EPS15: variants seen among roughly 807,000 people sequenced by gnomAD.
The protein encoded by EPS15 is epidermal growth factor receptor pathway substrate 15.
In EPS15, 72 loss-of-function variants were observed where a neutral mutation model predicts 113.8. That is an observed-to-expected ratio of 0.63 (90% CI 0.52 to 0.77). The LOEUF is 0.77. Ranked by LOEUF, EPS15 falls within the 30% of genes least tolerant of loss-of-function variation. The pLI, the probability that EPS15 is intolerant of heterozygous loss-of-function variation, is 0.00. For missense variants in EPS15, 1,048 were observed against 1,045.8 expected (o/e 1.00, Z -0.03); for synonymous variants, 344 against 363.4 (o/e 0.95, Z 0.61).
intron 14 of EPS15, among the ~76,000 whole-genome samples, chr1:51,409,188 T>C (rs143637015): frequency 0.022 from 3,341 of 152,202 alleles, 32 homozygotes; most frequent in Middle Eastern, 0.034. Context: ...TCCCAAAGTG[T>C]TGGGATTACA....
intron 13 of EPS15, among the ~76,000 whole-genome samples, chr1:51,418,319 T>C (rs1465609231): frequency 1.3e-5 from 2 of 152,026 alleles, no homozygotes; most frequent in African/African-American, 4.8e-5. Context: ...GCAAAGTCAA[T>C]GGAAGCAAAG....
At chr1:51,401,062 A>G in intron 18 of EPS15, 109 bp from the exon 19 acceptor site, 1 of 636,444 alleles carries the variant, frequency 1.6e-6, no homozygotes, top group South Asian at 2.3e-5. Flanking sequence ...TATTTCAATA[A>G]CTTCACTTCA....
intron 21 of EPS15, among the ~76,000 whole-genome samples, chr1:51,378,911 G>T (rs191107393): frequency 3.3e-5 from 5 of 152,258 alleles, no homozygotes; most frequent in Admixed American, 2.0e-4. Context: ...AAGAGGCAGA[G>T]AGCTTATTTG....
intron 21 of EPS15, among the ~76,000 whole-genome samples, chr1:51,392,743 A>G (rs1647509473): frequency 1.3e-5 from 2 of 152,196 alleles, no homozygotes; most frequent in African/African-American, 4.8e-5. Context: ...CAAAAGCCAC[A>G]TTCCACTTTG....
chr1:51,387,899 T>G (rs1320409319), intron 21 of EPS15, among the ~76,000 whole-genome samples: 2 of 152,170 alleles, frequency 1.3e-5, no homozygotes, highest in South Asian at 2.1e-4. Context: ...CTGTTAACAT[T>G]AGACAGATCA....
chr1:51,423,135 A>G, intron 12 of EPS15: 1 of 1,138,142 alleles, frequency 8.8e-7, no homozygotes, highest in Non-Finnish European at 1.2e-6. Context: ...TGTCTATGGA[A>G]GAAAGCATAC....
chr1:51,447,930 T>C (rs1413146617), intron 9 of EPS15, 116 bp downstream of exon 9: 20 of 1,449,124 alleles, frequency 1.4e-5, no homozygotes, highest in Non-Finnish European at 1.6e-5. Context: ...CTGATAAATC[T>C]ATACCTGTCT....
At chr1:51,419,510 C>T (rs1046711965) in intron 13 of EPS15, among the ~76,000 whole-genome samples, 1 of 152,000 alleles carries the variant, frequency 6.6e-6, no homozygotes. Context: ...AGCAAGAACA[C>T]TCAAAAAGCC....
At position 51,359,163 on chromosome 1, in the gene EPS15, G is replaced by A. The variant is rs565025024; in HGVS notation, c.2544+2008C>T. Among the ~76,000 whole-genome samples, 38 of 152,088 alleles carry A rather than the reference G, an allele frequency of 2.5e-4. No homozygotes were observed. In the South Asian group the frequency reaches 6.8e-3, roughly 27 times the overall value. Reference sequence around the variant, plus strand: ...AATTCCATCTAATGAAAGTTAAGTCGGGCTGGATGCGGTGGCTCACCCCTG... The same window carrying A: ...AATTCCATCTAATGAAAGTTAAGTCAGGCTGGATGCGGTGGCTCACCCCTG... On this transcript the variant is annotated intron_variant, in intron 24 of 24. Coordinates refer to ENST00000371733, the MANE Select transcript of EPS15 (RefSeq NM_001981.3).
intron 8 of EPS15, among the ~76,000 whole-genome samples, chr1:51,450,181 C>A (rs541662067): frequency 6.6e-6 from 1 of 151,886 alleles, no homozygotes; most frequent in East Asian, 1.9e-4. Flanking sequence ...AGGCTCCCAA[C>A]TGCTACCCTG....
At chr1:51,398,956 C>T (rs1370441030) in intron 20 of EPS15, 76 bp downstream of exon 20, 1 of 1,266,128 alleles carries the variant, frequency 7.9e-7, no homozygotes, top group African/African-American at 1.5e-5. Context: ...GTTCTTTCAT[C>T]ACTATGTATT....
intron 11 of EPS15, among the ~76,000 whole-genome samples, chr1:51,444,671 T>C (rs530599081): frequency 7.3e-4 from 111 of 152,334 alleles, no homozygotes; most frequent in South Asian, 7.0e-3. Context: ...AATATAGTTG[T>C]CATGTTTAAT....
rs1312727958 is a variant in EPS15 at position 51,448,099 on chromosome 1, G to T, written c.598C>A (p.Pro200Thr). The change falls in exon 9 of 25, where the codon CCT (proline) becomes ACT (threonine). Residue 200 changes from proline to threonine, a missense_variant. Physicochemically the swap from Pro to Thr is conservative, Grantham distance 38 (BLOSUM62 -1). Transcript: ENST00000371733. ...FLVYCALEKE[P>T]VPMSLPPALV... The stretch of plus-strand genomic sequence containing the variant: ...GCTGGAGGCAAGGACATTGGCACAG[G>T]TTCTTTCTCCAGTGCACAGTATACC... 5.0e-6 allele frequency: 8 copies of T among 1,613,622 alleles called. No homozygotes were observed. The highest frequency in any genetic ancestry group is 5.9e-6 in the Non-Finnish European group (7 of 1,179,740).
chr1:51,436,776 GAGA>G (rs1037911095), intron 12 of EPS15, among the ~76,000 whole-genome samples: 9 of 152,106 alleles, frequency 5.9e-5, no homozygotes, highest in Non-Finnish European at 1.0e-4. Context: ...GACTAAAGAT[GAGA>G]AGAAGAAAAA....
At chr1:51,357,426 A>ATAT (rs1443627608) in intron 24 of EPS15, among the ~76,000 whole-genome samples, 205 of 53,508 alleles carry the variant, frequency 3.8e-3, no homozygotes, top group East Asian at 6.3e-3. Context: ...ATATATATAT[A>ATAT]TTTTTTTTTT....
chr1:51,393,484 G>A (rs1041536645), intron 21 of EPS15, among the ~76,000 whole-genome samples: 3 of 152,166 alleles, frequency 2.0e-5, no homozygotes, highest in Non-Finnish European at 2.9e-5. Context: ...TTACAGGCGT[G>A]AGCCACCGGG....
chr1:51,462,945 C>T (rs570306445), intron 7 of EPS15, among the ~76,000 whole-genome samples: 4 of 141,220 alleles, frequency 2.8e-5, no homozygotes, highest in South Asian at 4.5e-4. Flanking sequence ...GGTGCGATCT[C>T]GGCTCACTGC....
chr1:51,431,906 TTA>T lies in EPS15; in HGVS notation c.1040+8439_1040+8440del, dbSNP rs1469316445. Among the ~76,000 whole-genome samples, 5 of 152,336 alleles carry T rather than the reference TTA, an allele frequency of 3.3e-5. No homozygotes were observed. In the East Asian group the frequency reaches 7.7e-4, roughly 23 times the overall value. On this transcript the variant is annotated intron_variant, in intron 12 of 24. Transcript: ENST00000371733. ...AATAAAGTTGATGGGCAGGATTAAT[TTA>T]TGTTACATCTAGAAAGACTCCAGAG...
chr1:51,474,548 A>C (rs939715488), intron 2 of EPS15, among the ~76,000 whole-genome samples: 3 of 152,206 alleles, frequency 2.0e-5, no homozygotes, highest in Non-Finnish European at 4.4e-5. Context: ...ATTTAATTAT[A>C]GTTATTTACT....
Sources: gnomAD v4.1 joint callset for allele counts (sites outside exome capture counted in the v4.1 genomes callset) on GRCh38, gnomAD v4.1.1 for gene constraint, MANE v1.5 for transcripts, NCBI Gene and HGNC (gene_info 2026-07-23, HGNC 2026-07-21) for gene names.